Variants in HECW1 observed in about 807,000 individuals in gnomAD.
HECW1 encodes the protein E3 ubiquitin-protein ligase HECW1.
HECW1 carries 61 observed loss-of-function variants against 182.3 expected under a neutral mutation model. The ratio of observed to expected loss-of-function variants is 0.33; its 90% CI spans 0.27 to 0.41. The LOEUF (loss-of-function observed/expected upper bound fraction) is 0.41. Ranked by LOEUF, HECW1 falls within the 10% of genes least tolerant of loss-of-function variation. The pLI is 1.00. For synonymous variants in HECW1, 859 were observed against 832.6 expected, an observed-to-expected ratio of 1.03 and a Z score of -0.55; for missense variants, 1,739 against 2,108.9, an observed-to-expected ratio of 0.82 and a Z score of 3.44.
At chr7:43,213,898 GA>G (rs1364869944) in intron 2 of HECW1, among the ~76,000 whole-genome samples, 1 of 151,990 alleles carries the variant, frequency 6.6e-6, no homozygotes, top group Non-Finnish European at 1.5e-5. Flanking sequence ...ATTGCAATGA[GA>G]AAAACAAAAG....
chr7:43,185,897 A>G (rs1031997173), intron 2 of HECW1, among the ~76,000 whole-genome samples: 1 of 152,140 alleles, frequency 6.6e-6, no homozygotes, highest in Non-Finnish European at 1.5e-5. Context: ...TTGGCATGCA[A>G]ACTTTCTGAA....
At chr7:43,541,339 C>A in intron 25 of HECW1, 78 bp downstream of exon 25, 1 of 1,106,626 alleles carries the variant, frequency 9.0e-7, no homozygotes, top group Non-Finnish European at 1.4e-6. Context: ...GTGCCACTGA[C>A]CCTTTTGTCA....
chr7:43,350,065 C>G (rs377691724), intron 5 of HECW1, among the ~76,000 whole-genome samples: 113 of 152,258 alleles, frequency 7.4e-4, no homozygotes, highest in African/African-American at 2.6e-3. Flanking sequence ...TTGGTAATGG[C>G]AAATTCTCTC....
intron 2 of HECW1, among the ~76,000 whole-genome samples, chr7:43,133,685 A>G (rs934017175): frequency 1.9e-4 from 29 of 151,214 alleles, no homozygotes; most frequent in Non-Finnish European, 7.4e-5. Context: ...CTCTTTTTCA[A>G]CTAAGATTAG....
intron 3 of HECW1, among the ~76,000 whole-genome samples, chr7:43,303,040 G>C (rs936547231): frequency 1.3e-5 from 2 of 151,950 alleles, no homozygotes; most frequent in African/African-American, 4.8e-5. Context: ...ACAGGAATTT[G>C]CCCCAGCTAA....
chr7:43,393,462 C>G (rs2075116963), intron 6 of HECW1, among the ~76,000 whole-genome samples: 1 of 152,200 alleles, frequency 6.6e-6, no homozygotes, highest in Non-Finnish European at 1.5e-5. Flanking sequence ...GTTGTCAAAC[C>G]TTCCTAAGAC....
chr7:43,341,051 T>C (rs1812915744), intron 5 of HECW1, among the ~76,000 whole-genome samples: 2 of 151,406 alleles, frequency 1.3e-5, no homozygotes, highest in Non-Finnish European at 2.9e-5. Flanking sequence ...CAGCAAACTA[T>C]CACAAGGACA....
chr7:43,254,244 A>C (rs1293829850), intron 3 of HECW1, among the ~76,000 whole-genome samples: 1 of 152,058 alleles, frequency 6.6e-6, no homozygotes, highest in Non-Finnish European at 1.5e-5. Flanking sequence ...GACCAAACAC[A>C]GAAGATCTTT....
intron 3 of HECW1, among the ~76,000 whole-genome samples, chr7:43,306,711 C>T (rs1041414728): frequency 1.3e-5 from 2 of 151,944 alleles, no homozygotes; most frequent in African/African-American, 4.8e-5. Flanking sequence ...GCTTTATATT[C>T]CAAGACAGAA....
intron 16 of HECW1, 41 bp downstream of exon 16, chr7:43,469,146 C>T (rs1057003424): frequency 1.3e-5 from 21 of 1,592,524 alleles, no homozygotes; most frequent in Non-Finnish European, 1.6e-5. Flanking sequence ...CAAACAGGCT[C>T]CTTCCCCAGG....
intron 8 of HECW1, 67 bp from the exon 9 acceptor site, chr7:43,437,936 A>T: frequency 6.6e-6 from 10 of 1,518,650 alleles, no homozygotes; most frequent in Non-Finnish European, 9.1e-6. Flanking sequence ...ATCAAGGCAG[A>T]TGGACTGGGA....
intron 5 of HECW1, among the ~76,000 whole-genome samples, chr7:43,328,676 G>A (rs1562842829): frequency 6.6e-6 from 1 of 152,198 alleles, no homozygotes. Flanking sequence ...AAATAACAAA[G>A]CATGACTGAG....
At chr7:43,412,033 G>T (rs1274376828) in intron 8 of HECW1, among the ~76,000 whole-genome samples, 1 of 151,850 alleles carries the variant, frequency 6.6e-6, no homozygotes, top group African/African-American at 2.4e-5. Context: ...TCCCCTTCTT[G>T]ACTTGTTTTT....
intron 6 of HECW1, among the ~76,000 whole-genome samples, chr7:43,389,708 A>C (rs2074943923): frequency 6.6e-6 from 1 of 152,168 alleles, no homozygotes; most frequent in East Asian, 1.9e-4. Flanking sequence ...TGGTGTGATC[A>C]TGGCTCATTG....
intron 24 of HECW1, among the ~76,000 whole-genome samples, chr7:43,532,885 G>A (rs1486718826): frequency 6.6e-6 from 1 of 152,216 alleles, no homozygotes; most frequent in Admixed American, 6.5e-5. Context: ...GCAGAGTGGA[G>A]CACAAAGCCT....
intron 3 of HECW1, among the ~76,000 whole-genome samples, chr7:43,247,382 T>G (rs1335151915): frequency 2.0e-5 from 3 of 152,154 alleles, no homozygotes; most frequent in African/African-American, 7.2e-5. Context: ...GCACAGTGGC[T>G]CATGCCTGTA....
intron 5 of HECW1, among the ~76,000 whole-genome samples, chr7:43,353,028 T>C (rs1814657000): frequency 1.3e-5 from 2 of 152,172 alleles, no homozygotes; most frequent in Admixed American, 6.5e-5. Context: ...ACTCTCTGAA[T>C]ACATGCCCTT....
chr7:43,389,175 T>A (rs2074920534), intron 6 of HECW1, among the ~76,000 whole-genome samples: 1 of 152,236 alleles, frequency 6.6e-6, no homozygotes, highest in South Asian at 2.1e-4. Context: ...AACTTTAAGA[T>A]GTCTATCTTT....
intron 19 of HECW1, among the ~76,000 whole-genome samples, chr7:43,494,327 A>G (rs1463969937): frequency 6.6e-6 from 1 of 151,864 alleles, no homozygotes; most frequent in African/African-American, 2.4e-5. Context: ...TCTCCCTGCC[A>G]TGGTTCAAGT....
Sources: gnomAD v4.1 joint callset for allele counts (sites outside exome capture counted in the v4.1 genomes callset) on GRCh38, gnomAD v4.1.1 for gene constraint, MANE v1.5 for transcripts, NCBI Gene and HGNC (gene_info 2026-07-23, HGNC 2026-07-21) for gene names.